PLSCR2: variants seen among roughly 807,000 people sequenced by gnomAD.
The protein encoded by PLSCR2 is phospholipid scramblase 2.
Under a neutral mutation model 25.3 loss-of-function variants are expected in PLSCR2, and 18 were observed. The ratio of observed to expected loss-of-function variants is 0.71; its 90% CI spans 0.49 to 1.06. The LOEUF is 1.06. Ranked by LOEUF, PLSCR2 falls within the 50% of genes least tolerant of loss-of-function variation. PLSCR2 has a pLI of 0.00. For synonymous variants in PLSCR2, 88 were observed against 87.3 expected, an observed-to-expected ratio of 1.01 and a Z score of -0.04; for missense variants, 243 against 269.5, an observed-to-expected ratio of 0.90 and a Z score of 0.69.
intron 3 of PLSCR2, among the ~76,000 whole-genome samples, chr3:146,456,131 C>T (rs890995681): frequency 3.9e-5 from 6 of 152,136 alleles, no homozygotes; most frequent in African/African-American, 1.2e-4. Context: ...ATCTAGACCA[C>T]GAGCATCCTA....
At chr3:146,414,812 T>G (rs1421540703) in intron 2 of PLSCR2, among the ~76,000 whole-genome samples, 1 of 152,238 alleles carries the variant, frequency 6.6e-6, no homozygotes, top group East Asian at 1.9e-4. Context: ...ATTGCTTCTC[T>G]GAAATACCTG....
intron 1 of PLSCR2, among the ~76,000 whole-genome samples, chr3:146,492,445 C>T (rs1236490399): frequency 6.6e-6 from 1 of 152,090 alleles, no homozygotes; most frequent in Non-Finnish European, 1.5e-5. Context: ...TCATACTCAT[C>T]ACAGTCTTGG....
At chr3:146,467,992 G>A (rs1016655090) in intron 1 of PLSCR2, among the ~76,000 whole-genome samples, 4 of 152,116 alleles carry the variant, frequency 2.6e-5, no homozygotes, top group African/African-American at 7.2e-5. Context: ...GTTTAAAGTC[G>A]CTCTACCTGC....
downstream of PLSCR2, among the ~76,000 whole-genome samples, chr3:146,440,770 GT>G (rs67900392): frequency 1.4e-4 from 22 of 151,968 alleles, no homozygotes; most frequent in African/African-American, 4.8e-4. Context: ...GTGTTATCCA[GT>G]TTTTTTTATA....
chr3:146,446,254 C>T (rs2040548631), intron 6 of PLSCR2, among the ~76,000 whole-genome samples: 1 of 152,098 alleles, frequency 6.6e-6, no homozygotes, highest in Non-Finnish European at 1.5e-5. Flanking sequence ...GTGTTTATTG[C>T]AGTCTTTGCA....
At chr3:146,478,179 C>A (rs1452611666) in intron 1 of PLSCR2, among the ~76,000 whole-genome samples, 1 of 152,230 alleles carries the variant, frequency 6.6e-6, no homozygotes, top group Non-Finnish European at 1.5e-5. Context: ...AGCACCCCTT[C>A]TCCTCCAAAG....
intron 2 of PLSCR2, among the ~76,000 whole-genome samples, chr3:146,423,415 A>G (rs892000710): frequency 6.6e-6 from 1 of 152,022 alleles, no homozygotes; most frequent in Non-Finnish European, 1.5e-5. Context: ...AATACTATCT[A>G]TAACACATTA....
chr3:146,396,170 A>C (rs979505666), intron 2 of PLSCR2, among the ~76,000 whole-genome samples: 1 of 152,206 alleles, frequency 6.6e-6, no homozygotes, highest in African/African-American at 2.4e-5. Context: ...ACACACGTAT[A>C]CACTTAATTC....
intron 1 of PLSCR2, among the ~76,000 whole-genome samples, chr3:146,491,079 A>C (rs554241680): frequency 4.4e-4 from 67 of 152,214 alleles, no homozygotes; most frequent in South Asian, 6.2e-4. Flanking sequence ...TGCCTAAAAA[A>C]GATATCATTT....
At chr3:146,465,587 A>AAT (rs1553785594) in intron 1 of PLSCR2, among the ~76,000 whole-genome samples, 4 of 151,970 alleles carry the variant, frequency 2.6e-5, no homozygotes, top group African/African-American at 9.7e-5. Flanking sequence ...AAAAAAAAAA[A>AAT]ATCACAATAT....
rs533787443 is a variant in PLSCR2, at chr3:146,399,607, G to A, written c.101-3686C>T. ...AGGAAGCAAGCATTTGAGAGAAATT[G>A]TTTCTCCTGAATATACTTCCATTAT... On this transcript the variant is annotated intron_variant and NMD_transcript_variant, in intron 2 of 3. Transcript: ENST00000463633. 6.6e-5 allele frequency among the ~76,000 whole-genome samples: 10 copies of A among 151,856 alleles called. No homozygotes were observed. The South Asian group carries it at 1.7e-3, about 25-fold the overall frequency.
intron 1 of PLSCR2, among the ~76,000 whole-genome samples, chr3:146,488,787 T>C (rs1343648182): frequency 6.6e-6 from 1 of 152,094 alleles, no homozygotes; most frequent in Non-Finnish European, 1.5e-5. Context: ...GAACCAGAAA[T>C]ACCATTCGAC....
chr3:146,470,014 C>T (rs2042055580), intron 1 of PLSCR2, among the ~76,000 whole-genome samples: 1 of 152,148 alleles, frequency 6.6e-6, no homozygotes, highest in Non-Finnish European at 1.5e-5. Context: ...CCCTTAGAAG[C>T]CTGTAGCTTT....
chr3:146,483,495 A>ATATATATATATATATATACACGTG (rs1227332975), intron 1 of PLSCR2, among the ~76,000 whole-genome samples: 36 of 113,074 alleles, frequency 3.2e-4, no homozygotes, highest in Non-Finnish European at 4.4e-4. Context: ...ATATATATAT[A>ATATATATATATATATATACACGTG]TATATATATA....
intron 1 of PLSCR2, 200 bp downstream of exon 1, chr3:146,469,295 C>T (rs1206078302): frequency 1.0e-6 from 1 of 985,550 alleles, no homozygotes; most frequent in Non-Finnish European, 1.2e-6. Context: ...TCGAACGGTT[C>T]TGGTGTGAGC....
At chr3:146,481,903 C>G (rs2043144197) in intron 1 of PLSCR2, among the ~76,000 whole-genome samples, 1 of 152,134 alleles carries the variant, frequency 6.6e-6, no homozygotes, top group African/African-American at 2.4e-5. Context: ...TGGAACAGAA[C>G]AGAGGCTTCA....
chr3:146,464,630 G>A (rs559131007), upstream of PLSCR2, among the ~76,000 whole-genome samples: 360 of 152,230 alleles, frequency 2.4e-3, no homozygotes, highest in Non-Finnish European at 4.4e-3. Flanking sequence ...TTGAATTATA[G>A]TTACTCCAAA....
intron 2 of PLSCR2, among the ~76,000 whole-genome samples, chr3:146,414,119 A>G (rs1210937698): frequency 2.0e-5 from 3 of 152,168 alleles, no homozygotes; most frequent in Non-Finnish European, 4.4e-5. Context: ...GATCAGATGC[A>G]TCCTTTTATC....
chr3:146,483,479 G>GTGTATATA (rs571463617), intron 1 of PLSCR2, among the ~76,000 whole-genome samples: 2 of 54,824 alleles, frequency 3.6e-5, no homozygotes, highest in African/African-American at 1.7e-4. Context: ...ATATACATGT[G>GTGTATATA]TATATATATA....
Sources: allele counts gnomAD v4.1 joint callset (sites outside exome capture counted in the v4.1 genomes callset), GRCh38; gene constraint gnomAD v4.1.1; transcripts MANE v1.5; gene names NCBI Gene and HGNC (gene_info 2026-07-23, HGNC 2026-07-21).